The following TNR variants were observed in gnomAD, a reference collection of about 807,000 sequenced individuals.
TNR encodes tenascin R, also known as tenascin-R.
A neutral mutation model predicts 150.4 loss-of-function variants in TNR; 45 were observed. The ratio of observed to expected loss-of-function variants is 0.30; its 90% confidence interval spans 0.24 to 0.38. The LOEUF (loss-of-function observed/expected upper bound fraction) is 0.38, where lower values mean the gene tolerates loss of function less well. Among genes scored for constraint, TNR ranks in the 10% least tolerant of loss-of-function variants. TNR has a pLI of 1.00. For synonymous variants in TNR, 687 were observed against 678.4 expected (o/e 1.01, Z -0.20); for missense variants, 1,544 against 1,759.1 (o/e 0.88, Z 2.19).
rs1448135899 is a variant in TNR, at chr1:175,331,160, T to TC, written c.3632-926dup. 1.0e-3 allele frequency among the ~76,000 whole-genome samples: 124 copies of TC among 118,166 alleles called. 1 individual carries two copies. Among genetic ancestry groups the TC allele is most frequent in the African/African-American group, 1.6e-3 (50 of 30,372 alleles). The allele number at this position is 118,166 out of a possible 152,430, so 77.5% of individuals were successfully genotyped here. A position where few individuals can be genotyped will look rare whatever the true frequency, so the allele number is the denominator to read the frequency against. On this transcript the variant is annotated intron_variant, in intron 20 of 22. Coordinates refer to ENST00000367674, the MANE Select transcript of TNR (RefSeq NM_003285.3). ...CTTTCTTTCTTCCTTTCTTTCTTTT[T>TC]CTTTCCTTCCTTCCTTCCTTCCTTC...
intron 1 of TNR, among the ~76,000 whole-genome samples, chr1:175,698,900 C>G (rs1454067965): frequency 6.6e-6 from 1 of 151,838 alleles, no homozygotes; most frequent in East Asian, 1.9e-4. Context: ...GGTTTTTGCT[C>G]TAAGTGAGCT....
chr1:175,323,816 G>C (rs1030046030), intron 22 of TNR, among the ~76,000 whole-genome samples: 1 of 152,208 alleles, frequency 6.6e-6, no homozygotes, highest in African/African-American at 2.4e-5. Context: ...AACTGTGTTT[G>C]ACTGCTCACT....
intron 2 of TNR, among the ~76,000 whole-genome samples, chr1:175,457,577 A>T (rs1156902187): frequency 6.6e-6 from 1 of 151,934 alleles, no homozygotes; most frequent in Non-Finnish European, 1.5e-5. Flanking sequence ...GTGTGAGAAC[A>T]TGGGCTCTAC....
At chr1:175,549,489 A>G (rs1660848768) in intron 1 of TNR, among the ~76,000 whole-genome samples, 1 of 152,190 alleles carries the variant, frequency 6.6e-6, no homozygotes, top group Non-Finnish European at 1.5e-5. Flanking sequence ...CCTGGTACAC[A>G]TGCTCTGTGT....
Position 175,636,665 on chromosome 1 carries a change from C to T in TNR, c.-165+106561G>A, listed in dbSNP as rs546275663. On this transcript the variant is annotated intron_variant, in intron 1 of 22. Transcript: ENST00000367674. ...GCCTGATTTCTATAATTCCTCTGTG[C>T]AGTCTTTGCTGGAGCCCAGTTCCCT... Among the ~76,000 whole-genome samples the T allele has an allele frequency of 8.5e-5, 13 of 152,294 alleles. No homozygotes were observed. The South Asian group carries it at 1.0e-3, about 12-fold the overall frequency.
chr1:175,702,359 G>GC (rs1471435066), intron 1 of TNR, among the ~76,000 whole-genome samples: 1 of 152,144 alleles, frequency 6.6e-6, no homozygotes, highest in Non-Finnish European at 1.5e-5. Context: ...TTGTCACCCA[G>GC]CCAGGATTCT....
chr1:175,471,999 A>C (rs1283736846), intron 2 of TNR, among the ~76,000 whole-genome samples: 2 of 151,918 alleles, frequency 1.3e-5, no homozygotes, highest in Non-Finnish European at 2.9e-5. Flanking sequence ...CTAGCTGGGC[A>C]TGGTGGCACA....
At chr1:175,660,175 T>C (rs568113787) in intron 1 of TNR, among the ~76,000 whole-genome samples, 2 of 152,340 alleles carry the variant, frequency 1.3e-5, no homozygotes, top group African/African-American at 2.4e-5. Context: ...GAGGCTCTGA[T>C]GAAAGGCTGC....
intron 1 of TNR, among the ~76,000 whole-genome samples, chr1:175,548,831 T>C (rs1170269021): frequency 1.3e-5 from 2 of 152,230 alleles, no homozygotes; most frequent in Non-Finnish European, 2.9e-5. Context: ...GCCATTTATC[T>C]GCTGGAATGC....
intron 1 of TNR, among the ~76,000 whole-genome samples, chr1:175,545,019 G>A (rs1412237029): frequency 1.3e-5 from 2 of 152,108 alleles, no homozygotes; most frequent in Non-Finnish European, 2.9e-5. Context: ...AAATGCAGAC[G>A]GTATGTGGAG....
chr1:175,603,536 G>A (rs925064212), intron 1 of TNR, among the ~76,000 whole-genome samples: 5 of 152,244 alleles, frequency 3.3e-5, no homozygotes, highest in Non-Finnish European at 7.3e-5. Flanking sequence ...TTTATAGGAT[G>A]CTAAAAATGA....
At chr1:175,432,195 A>T (rs986508131) in intron 2 of TNR, among the ~76,000 whole-genome samples, 3 of 152,250 alleles carry the variant, frequency 2.0e-5, no homozygotes, top group African/African-American at 7.2e-5. Flanking sequence ...GTGAATGGCA[A>T]CATCGACCCT....
intron 1 of TNR, among the ~76,000 whole-genome samples, chr1:175,559,505 A>T (rs996238784): frequency 6.6e-6 from 1 of 152,136 alleles, no homozygotes; most frequent in African/African-American, 2.4e-5. Context: ...ACTGAGACAT[A>T]ACCACTACTC....
At chr1:175,681,979 C>A (rs1215258819) in intron 1 of TNR, among the ~76,000 whole-genome samples, 1 of 152,102 alleles carries the variant, frequency 6.6e-6, no homozygotes, top group Non-Finnish European at 1.5e-5. Context: ...GAGACACAGC[C>A]AGCTTGAGAG....
chr1:175,363,564 A>C (rs1651694781), intron 13 of TNR, 144 bp downstream of exon 13: 1 of 1,114,570 alleles, frequency 9.0e-7, no homozygotes, highest in Non-Finnish European at 1.3e-6. Flanking sequence ...TTGGCTGCTC[A>C]CCAGCCCACT....
At chr1:175,690,685 T>C (rs1666335203) in intron 1 of TNR, among the ~76,000 whole-genome samples, 1 of 152,212 alleles carries the variant, frequency 6.6e-6, no homozygotes, top group Admixed American at 6.5e-5. Context: ...TTGATTGTGA[T>C]AACAAGTCAC....
chr1:175,571,275 C>A (rs1234679618), intron 1 of TNR, among the ~76,000 whole-genome samples: 1 of 152,134 alleles, frequency 6.6e-6, no homozygotes, highest in African/African-American at 2.4e-5. Context: ...TCTTTTAGTG[C>A]CTTTTTAAAG....
At chr1:175,742,600 C>A (rs1019163152) in intron 1 of TNR, among the ~76,000 whole-genome samples, 2 of 152,184 alleles carry the variant, frequency 1.3e-5, no homozygotes, top group African/African-American at 2.4e-5. Flanking sequence ...CCAGCCTGAG[C>A]TTCACCTGTT....
chr1:175,463,507 C>T (rs1027940559), intron 2 of TNR, among the ~76,000 whole-genome samples: 1 of 152,218 alleles, frequency 6.6e-6, no homozygotes, highest in African/African-American at 2.4e-5. Flanking sequence ...CATTCTCAGC[C>T]TAGGTGCCTC....
Sources: allele counts gnomAD v4.1 joint callset (sites outside exome capture counted in the v4.1 genomes callset), GRCh38; gene constraint gnomAD v4.1.1; transcripts MANE v1.5; gene names NCBI Gene and HGNC (gene_info 2026-07-23, HGNC 2026-07-21).